Variants in TFCP2L1 observed in about 807,000 individuals in gnomAD.
The protein encoded by TFCP2L1 is transcription factor CP2-like protein 1.
Under a neutral mutation model 72.2 loss-of-function variants are expected in TFCP2L1, and 12 were observed. The ratio of observed to expected loss-of-function variants is 0.17; its 90% confidence interval spans 0.11 to 0.27. The LOEUF is 0.27. Ranked by LOEUF, TFCP2L1 falls within the 10% of genes least tolerant of loss-of-function variation. The pLI, the probability that TFCP2L1 is intolerant of heterozygous loss-of-function variation, is 1.00. For synonymous variants in TFCP2L1, 260 were observed against 251.0 expected, an observed-to-expected ratio of 1.04 and a Z score of -0.34; for missense variants, 488 against 624.6, an observed-to-expected ratio of 0.78 and a Z score of 2.33.
At chr2:121,276,698 T>C (rs569971641) in intron 2 of TFCP2L1, among the ~76,000 whole-genome samples, 451 of 149,718 alleles carry the variant, frequency 3.0e-3, no homozygotes, top group Non-Finnish European at 5.3e-3. Context: ...ATTTGTGAGA[T>C]AAAGGTAGGA....
intron 6 of TFCP2L1, 135 bp downstream of exon 6, chr2:121,246,683 G>A (rs1686493569): frequency 1.7e-6 from 2 of 1,161,342 alleles, no homozygotes; most frequent in Non-Finnish European, 2.4e-6. Flanking sequence ...AGAAGCCCAG[G>A]TAGAAGCCAT....
At chr2:121,279,523 G>A (rs963491876) in intron 2 of TFCP2L1, among the ~76,000 whole-genome samples, 4 of 152,140 alleles carry the variant, frequency 2.6e-5, no homozygotes, top group African/African-American at 9.7e-5. Flanking sequence ...CTTCCACTGC[G>A]GCCCCTCCAC....
intron 2 of TFCP2L1, among the ~76,000 whole-genome samples, chr2:121,279,274 G>A (rs1687208478): frequency 2.0e-5 from 3 of 152,200 alleles, no homozygotes; most frequent in African/African-American, 7.2e-5. Context: ...AGTGCTCAAA[G>A]GTGCATAACC....
At chr2:121,249,191 C>G (rs959789892) in intron 3 of TFCP2L1, 104 bp from the exon 4 acceptor site, 2 of 830,428 alleles carry the variant, frequency 2.4e-6, no homozygotes, top group African/African-American at 3.5e-5. Context: ...TGAGGCCCCT[C>G]CCCCTGGGGC....
chr2:121,228,029 C>A (rs1686066105), intron 13 of TFCP2L1, among the ~76,000 whole-genome samples: 1 of 152,266 alleles, frequency 6.6e-6, no homozygotes, highest in African/African-American at 2.4e-5. Flanking sequence ...AGTGCCCTTG[C>A]ACCCCAGGGG....
chr2:121,274,106 A>G (rs1484030060), intron 2 of TFCP2L1, among the ~76,000 whole-genome samples: 5 of 152,038 alleles, frequency 3.3e-5, no homozygotes, highest in East Asian at 3.8e-4. Flanking sequence ...AAAAAAAAAA[A>G]AAAGAAAAAA....
chr2:121,255,603 T>C (rs1387873148), intron 2 of TFCP2L1, among the ~76,000 whole-genome samples: 1 of 152,190 alleles, frequency 6.6e-6, no homozygotes, highest in Non-Finnish European at 1.5e-5. Flanking sequence ...ACCTGGTCTG[T>C]CTGACGCCGA....
Position 121,242,419 on chromosome 2 carries a change from T to C in TFCP2L1, c.708A>G (p.Lys236=). The change falls in exon 7 of 15, where the codon AAA becomes AAG. Residue 236 remains lysine (K), a synonymous_variant. Coordinates refer to ENST00000263707, the MANE Select transcript of TFCP2L1 (RefSeq NM_014553.3). ...KQKTDREKME[K]RTAQEKEKYQ... is the part of the protein sequence containing the mutation. ...ATTTCTCCTTCTCTTGGGCAGTTCT[T>C]TTCTCCATCTTCTCCCGGTCAGTCT... 1 of 1,614,186 alleles carries C rather than the reference T, an allele frequency of 6.2e-7. No individual in the cohort carries two copies. The highest frequency in any genetic ancestry group is 1.1e-5 in the South Asian group (1 of 91,076).
intron 14 of TFCP2L1, among the ~76,000 whole-genome samples, 154 bp from the exon 15 acceptor site, chr2:121,224,541 A>C (rs1290812550): frequency 6.6e-6 from 1 of 152,232 alleles, no homozygotes; most frequent in Non-Finnish European, 1.5e-5. Flanking sequence ...CAGGGATCTC[A>C]CATGCCCTGA....
intron 8 of TFCP2L1, among the ~76,000 whole-genome samples, chr2:121,238,468 C>T (rs560060493): frequency 2.0e-5 from 3 of 152,266 alleles, no homozygotes; most frequent in South Asian, 2.1e-4. Flanking sequence ...AGGTGGACGG[C>T]GGTGAACGCT....
At position 121,249,129 on chromosome 2, in the gene TFCP2L1, G is replaced by A. The variant is rs1001205614; in HGVS notation, c.292-42C>T. Reference sequence around the variant, plus strand: ...GCAGGGAAACAAGTGACCGCGGGGGGCCAAGAGGAACCCACCTCTTTTCCC... The same window carrying A: ...GCAGGGAAACAAGTGACCGCGGGGGACCAAGAGGAACCCACCTCTTTTCCC... On this transcript the variant is annotated intron_variant, in intron 3 of 14. Coordinates refer to ENST00000263707, the MANE Select transcript of TFCP2L1 (RefSeq NM_014553.3). The A allele has an allele frequency of 2.8e-6, 4 of 1,427,332 alleles. No individual in the cohort carries two copies. In the Admixed American group the frequency reaches 7.3e-5, roughly 26 times the overall value. 88.4% of individuals were successfully genotyped at this position (1,427,332 alleles called of 1,614,324 possible).
At chr2:121,257,932 C>T (rs1422053683) in intron 2 of TFCP2L1, among the ~76,000 whole-genome samples, 1 of 152,108 alleles carries the variant, frequency 6.6e-6, no homozygotes, top group Non-Finnish European at 1.5e-5. Context: ...GCTCTGAGAA[C>T]CGGCCCGCCA....
intron 2 of TFCP2L1, among the ~76,000 whole-genome samples, chr2:121,270,963 G>A (rs1346829007): frequency 6.6e-6 from 1 of 151,580 alleles, no homozygotes; most frequent in African/African-American, 2.4e-5. Context: ...GCCAAGGCAG[G>A]TAGATTACTT....
intron 2 of TFCP2L1, among the ~76,000 whole-genome samples, chr2:121,269,918 A>AAAAAAAAAAAAAAAAAAAAAAAT: frequency 6.1e-5 from 7 of 115,174 alleles, no homozygotes; most frequent in African/African-American, 1.5e-4. Flanking sequence ...AAAAAAAAAA[A>AAAAAAAAAAAAAAAAAAAAAAAT]ATATATATAT....
rs192583420 is a variant in TFCP2L1, at chr2:121,240,412, G to A, written c.769-763C>T. On this transcript the variant is annotated intron_variant, in intron 7 of 14. Coordinates refer to ENST00000263707, the MANE Select transcript of TFCP2L1 (RefSeq NM_014553.3). ...CCCTGCGATGATGCCTCTTCAGAGA[G>A]GGCCAATTTGAAGCATTCCCGAAGA... 1.8e-5 allele frequency: 18 copies of A among 985,278 alleles called. No homozygotes were observed. The African/African-American group carries it at 3.1e-4, about 17-fold the overall frequency. The allele number at this position is 985,278 out of a possible 1,614,324, so 61.0% of individuals were successfully genotyped here. A position where few individuals can be genotyped will look rare whatever the true frequency, so the allele number is the denominator to read the frequency against.
At chr2:121,242,180 C>T (rs1686386701) in intron 7 of TFCP2L1, among the ~76,000 whole-genome samples, 179 bp downstream of exon 7, 1 of 151,970 alleles carries the variant, frequency 6.6e-6, no homozygotes, top group African/African-American at 2.4e-5. Context: ...GAAATACCTC[C>T]CGGGCCACTG....
At chr2:121,230,207 TGTTGCCCAGGCTGGA>T (rs1306824547) in intron 13 of TFCP2L1, among the ~76,000 whole-genome samples, 1 of 152,192 alleles carries the variant, frequency 6.6e-6, no homozygotes, top group Non-Finnish European at 1.5e-5. Flanking sequence ...GTTTCGCTTT[TGTTGCCCAGGCTGGA>T]GTGCAATGGC....
chr2:121,217,620 C>G lies in TFCP2L1; in HGVS notation c.*6721G>C, dbSNP rs1169781892. 2 of 152,482 alleles carry G rather than the reference C, an allele frequency of 1.3e-5. No homozygotes were observed. Among genetic ancestry groups the G allele is most frequent in the African/African-American group, 4.8e-5 (2 of 41,468 alleles). The allele number at this position is 152,482 out of a possible 1,614,324, so 9.4% of individuals were successfully genotyped here. A position where few individuals can be genotyped will look rare whatever the true frequency, so the allele number is the denominator to read the frequency against. On this transcript the variant is annotated 3_prime_UTR_variant, in exon 15 of 15. Transcript: ENST00000263707. ...GGACACATGGGAAGAGGCTTGCAGG[C>G]TCCAGAGAAGCCAAAAGGTCCTCAG...
chr2:121,234,965 C>T (rs1187701729), intron 11 of TFCP2L1, among the ~76,000 whole-genome samples: 4 of 152,260 alleles, frequency 2.6e-5, no homozygotes, highest in African/African-American at 9.6e-5. Context: ...CCAAGGCTCT[C>T]GTCCAACCAA....
Sources: allele counts gnomAD v4.1 joint callset (sites outside exome capture counted in the v4.1 genomes callset), GRCh38; gene constraint gnomAD v4.1.1; transcripts MANE v1.5; gene names NCBI Gene and HGNC (gene_info 2026-07-23, HGNC 2026-07-21).